MTUS2: variants seen among roughly 807,000 people sequenced by gnomAD.
MTUS2 encodes the protein microtubule associated scaffold protein 2.
In MTUS2, 40 loss-of-function variants were observed where a neutral mutation model predicts 114.1. The ratio of observed to expected loss-of-function variants is 0.35; its 90% CI spans 0.27 to 0.46. The LOEUF is 0.46. MTUS2 is among the 20% of genes least tolerant of loss of function. The pLI, the probability that MTUS2 is intolerant of heterozygous loss-of-function variation, is 1.00. For missense variants in MTUS2, 1,679 were observed against 1,705.4 expected, an observed-to-expected ratio of 0.98 and a Z score of 0.27; for synonymous variants, 688 against 672.0, an observed-to-expected ratio of 1.02 and a Z score of -0.37.
At position 29,460,521 on chromosome 13, in the gene MTUS2, C is replaced by G. The variant is rs1034286413; in HGVS notation, c.3185-19629C>G. Among the ~76,000 whole-genome samples, 3 of 152,138 alleles carry G rather than the reference C, an allele frequency of 2.0e-5. No individual in the cohort carries two copies. In the East Asian group the frequency reaches 5.8e-4, roughly 29 times the overall value. On this transcript the variant is annotated intron_variant, in intron 9 of 15. Coordinates refer to ENST00000612955, the MANE Select transcript of MTUS2 (RefSeq NM_001033602.4). Reference sequence around the variant, plus strand: ...TTACTTTCCTTCACTTTTTTCTTCCCATCAGAGCTTCACTGCAAAAGCCTC... The same window carrying G: ...TTACTTTCCTTCACTTTTTTCTTCCGATCAGAGCTTCACTGCAAAAGCCTC...
At chr13:29,263,560 G>T (rs181952494) in intron 5 of MTUS2, among the ~76,000 whole-genome samples, 1 of 152,306 alleles carries the variant, frequency 6.6e-6, no homozygotes, top group Admixed American at 6.5e-5. Flanking sequence ...TTTACAGGAA[G>T]CATGACACTG....
intron 5 of MTUS2, among the ~76,000 whole-genome samples, chr13:29,189,283 CAGGGGA>C (rs1894350367): frequency 6.6e-6 from 1 of 152,200 alleles, no homozygotes; most frequent in Non-Finnish European, 1.5e-5. Context: ...AAAGTATCTT[CAGGGGA>C]TAGAAAACCA....
At chr13:29,501,749 C>T (rs368198650) in intron 15 of MTUS2, among the ~76,000 whole-genome samples, 1 of 152,236 alleles carries the variant, frequency 6.6e-6, no homozygotes, top group Non-Finnish European at 1.5e-5. Flanking sequence ...CTTGCCCACT[C>T]AACTCAGCTA....
intron 2 of MTUS2, among the ~76,000 whole-genome samples, chr13:28,925,910 C>CT (rs1210240032): frequency 6.6e-6 from 1 of 152,192 alleles, no homozygotes; most frequent in African/African-American, 2.4e-5. Flanking sequence ...AATTAGAATA[C>CT]ACACTTAAAA....
At chr13:28,941,498 AT>A (rs1485525425) in intron 2 of MTUS2, among the ~76,000 whole-genome samples, 1 of 152,022 alleles carries the variant, frequency 6.6e-6, no homozygotes, top group Non-Finnish European at 1.5e-5. Flanking sequence ...TTTTTGCAAA[AT>A]TTGCAAAATT....
chr13:29,278,846 C>T (rs929406999), intron 5 of MTUS2, among the ~76,000 whole-genome samples: 2 of 152,182 alleles, frequency 1.3e-5, no homozygotes, highest in African/African-American at 2.4e-5. Context: ...TCTCACTCTT[C>T]TCTTTAGTCT....
chr13:29,224,975 G>T (rs1220528482), intron 5 of MTUS2, among the ~76,000 whole-genome samples: 1 of 152,208 alleles, frequency 6.6e-6, no homozygotes, highest in East Asian at 1.9e-4. Context: ...GGGCTGCGGT[G>T]GTTCCTGGTC....
At chr13:29,374,217 G>T (rs1360199149) in intron 8 of MTUS2, among the ~76,000 whole-genome samples, 1 of 152,150 alleles carries the variant, frequency 6.6e-6, no homozygotes, top group Non-Finnish European at 1.5e-5. Context: ...TTTTAAAAAG[G>T]TCTAATATTT....
At chr13:29,297,877 A>ACG (rs71753874) in intron 6 of MTUS2, among the ~76,000 whole-genome samples, 1 of 51,646 alleles carries the variant, frequency 1.9e-5, no homozygotes, top group Non-Finnish European at 6.4e-5. Context: ...GTACACACAT[A>ACG]CACACACACA....
chr13:29,311,398 T>G (rs1362504888), intron 6 of MTUS2, among the ~76,000 whole-genome samples: 1 of 152,222 alleles, frequency 6.6e-6, no homozygotes, highest in African/African-American at 2.4e-5. Flanking sequence ...TGTTAAGTAT[T>G]GTATTTTATA....
At chr13:29,105,982 G>T (rs540605281) in intron 5 of MTUS2, among the ~76,000 whole-genome samples, 95 of 152,168 alleles carry the variant, frequency 6.2e-4, no homozygotes, top group Middle Eastern at 3.4e-3. Flanking sequence ...CCACTTCATC[G>T]TGGCGCTGTT....
chr13:29,225,271 T>C (rs1254941325), intron 5 of MTUS2, among the ~76,000 whole-genome samples: 1 of 152,202 alleles, frequency 6.6e-6, no homozygotes, highest in African/African-American at 2.4e-5. Flanking sequence ...CATGGTTTCT[T>C]CTATTTATAT....
chr13:29,400,628 A>G (rs1229885431), intron 8 of MTUS2, among the ~76,000 whole-genome samples: 1 of 152,212 alleles, frequency 6.6e-6, no homozygotes, highest in Non-Finnish European at 1.5e-5. Context: ...GGGTCATCAG[A>G]TGGCCCTATG....
rs534441749 is a variant in MTUS2, at chr13:29,242,375, T to C, written c.2645-39329T>C. ...TTCACTAATGCTTCTGAGGCTCATC[T>C]GTCTTGTAGCAGGTATCATTCGTTC... On this transcript the variant is annotated intron_variant, in intron 5 of 15. Coordinates refer to ENST00000612955, the MANE Select transcript of MTUS2 (RefSeq NM_001033602.4). Among the ~76,000 whole-genome samples the C allele has an allele frequency of 3.2e-4, 48 of 152,354 alleles. 1 individual carries two copies. In the East Asian group the frequency reaches 9.3e-3, roughly 29 times the overall value.
intron 5 of MTUS2, among the ~76,000 whole-genome samples, chr13:29,211,965 T>C (rs1481667587): frequency 6.6e-6 from 1 of 152,200 alleles, no homozygotes; most frequent in Non-Finnish European, 1.5e-5. Flanking sequence ...GCCTCCTGTC[T>C]GCCATTTCCC....
intron 8 of MTUS2, among the ~76,000 whole-genome samples, chr13:29,388,441 G>A (rs577687047): frequency 4.0e-5 from 6 of 150,708 alleles, no homozygotes; most frequent in African/African-American, 1.2e-4. Flanking sequence ...ATTTGTAATC[G>A]ACCTAGACAG....
intron 6 of MTUS2, among the ~76,000 whole-genome samples, chr13:29,294,654 G>C (rs1428966362): frequency 6.6e-6 from 1 of 152,096 alleles, no homozygotes; most frequent in Non-Finnish European, 1.5e-5. Context: ...ATGAAACAAG[G>C]CACAAGTTTC....
In MTUS2 at chr13:29,015,769, G is replaced by A. The variant is rs146825637; in HGVS notation, c.-242-8688G>A. ...TGATGAAGTATTTATTATATTACAT[G>A]TATTTATATGGGAGGAAGAACATGA... On this transcript the variant is annotated intron_variant, in intron 2 of 15. Transcript: ENST00000612955. 1.4e-3 allele frequency among the ~76,000 whole-genome samples: 207 copies of A among 152,234 alleles called. 2 individuals carry two copies. Among genetic ancestry groups the A allele is most frequent in the Middle Eastern group, 3.4e-3 (1 of 294 alleles).
At chr13:28,934,933 CA>C (rs1418989925) in intron 2 of MTUS2, among the ~76,000 whole-genome samples, 2 of 151,800 alleles carry the variant, frequency 1.3e-5, no homozygotes, top group African/African-American at 4.8e-5. Flanking sequence ...ATATTTCCAG[CA>C]CCCCAGCAGC....
Sources: allele counts gnomAD v4.1 joint callset (sites outside exome capture counted in the v4.1 genomes callset), GRCh38; gene constraint gnomAD v4.1.1; transcripts MANE v1.5; gene names NCBI Gene and HGNC (gene_info 2026-07-23, HGNC 2026-07-21).